The following SLC26A8 variants were observed in gnomAD, a reference collection of about 807,000 sequenced individuals.
SLC26A8 encodes the protein solute carrier family 26 member 8, also known as testis anion transporter 1.
Under a neutral mutation model 105.0 loss-of-function variants are expected in SLC26A8, and 70 were observed. That is an observed-to-expected ratio of 0.67 (90% CI 0.55 to 0.81). SLC26A8 has a LOEUF of 0.81. SLC26A8 is among the 40% of genes least tolerant of loss of function. The pLI is 0.00. For synonymous variants in SLC26A8, 415 were observed against 438.3 expected, an observed-to-expected ratio of 0.95 and a Z score of 0.66; for missense variants, 998 against 1,181.8, an observed-to-expected ratio of 0.84 and a Z score of 2.28.
intron 4 of SLC26A8, among the ~76,000 whole-genome samples, chr6:35,998,523 C>T (rs959199561): frequency 1.3e-5 from 2 of 150,464 alleles, no homozygotes; most frequent in Non-Finnish European, 3.0e-5. Context: ...CGATTGCACT[C>T]CAGCCTGGGC....
intron 1 of SLC26A8, among the ~76,000 whole-genome samples, chr6:36,021,850 C>A (rs1015920687): frequency 5.3e-5 from 8 of 152,124 alleles, no homozygotes; most frequent in African/African-American, 1.9e-4. Context: ...GTGGCGTGAT[C>A]TCAGCTCACA....
At chr6:36,024,038 A>T (rs1356330400) in intron 1 of SLC26A8, among the ~76,000 whole-genome samples, 2 of 151,434 alleles carry the variant, frequency 1.3e-5, no homozygotes, top group Non-Finnish European at 2.9e-5. Flanking sequence ...GGCCCCTGAC[A>T]CATCAACGGC....
chr6:36,017,018 A>G (rs576932927), intron 2 of SLC26A8, among the ~76,000 whole-genome samples: 2 of 152,234 alleles, frequency 1.3e-5, no homozygotes, highest in African/African-American at 4.8e-5. Flanking sequence ...CTAAAAATGC[A>G]AAAATTAGCT....
intron 11 of SLC26A8, among the ~76,000 whole-genome samples, chr6:35,964,688 A>G (rs1216808982): frequency 6.6e-6 from 1 of 151,956 alleles, no homozygotes; most frequent in East Asian, 1.9e-4. Flanking sequence ...TAGATGTGCC[A>G]GGCATGGTGG....
chr6:35,951,962 T>C (rs1771893414), intron 17 of SLC26A8, among the ~76,000 whole-genome samples: 1 of 152,150 alleles, frequency 6.6e-6, no homozygotes, highest in Non-Finnish European at 1.5e-5. Context: ...TACAAACATT[T>C]GATGAGTGGA....
Position 35,955,505 on chromosome 6 carries a change from G to C in SLC26A8, c.1879C>G (p.Arg627Gly). Residue 627 changes from arginine to glycine, a missense_variant, in exon 17 of 20, where the codon CGA becomes GGA. Coordinates refer to ENST00000490799, the MANE Select transcript of SLC26A8 (RefSeq NM_052961.4). Reference sequence around the variant, plus strand: ...TCGGGATCCAGTTTATTTTCAAATCGCTCTGTGTAAAGAATCTGGGACGAC... The same window carrying C: ...TCGGGATCCAGTTTATTTTCAAATCCCTCTGTGTAAAGAATCTGGGACGAC... ...EPLPRILYTERFENKLDPEAS... is the reference protein window; with the variant it reads ...EPLPRILYTEGFENKLDPEAS... 3.1e-6 allele frequency: 5 copies of C among 1,614,026 alleles called. No homozygotes were observed. The highest frequency in any genetic ancestry group is 4.2e-6 in the Non-Finnish European group (5 of 1,179,986).
chr6:35,984,326 T>A lies in SLC26A8; in HGVS notation c.943-2123A>T, dbSNP rs1461101664. Among the ~76,000 whole-genome samples, 417 of 145,980 alleles carry A rather than the reference T, an allele frequency of 2.9e-3. 3 individuals are homozygous for A. The highest frequency in any genetic ancestry group is 0.01 in the African/African-American group (406 of 39,428). ...TTCTTTCTTCTTCTTCTTATTTTTT[T>A]TTTTTTTTTTTTTGAGACAGAGTCT... is the stretch of plus-strand genomic sequence containing the variant. On this transcript the variant is annotated intron_variant, in intron 7 of 19. Coordinates refer to ENST00000490799, the MANE Select transcript of SLC26A8 (RefSeq NM_052961.4).
At chr6:36,015,108 T>G (rs2127372589) in intron 2 of SLC26A8, among the ~76,000 whole-genome samples, 1 of 137,492 alleles carries the variant, frequency 7.3e-6, no homozygotes, top group South Asian at 2.3e-4. Flanking sequence ...AAATTGTGCT[T>G]TTTTTTTTTT....
At chr6:36,001,736 C>G (rs1210281245) in intron 3 of SLC26A8, among the ~76,000 whole-genome samples, 1 of 152,108 alleles carries the variant, frequency 6.6e-6, no homozygotes. Context: ...GAACTAAGGG[C>G]CCTGTGTTTT....
At chr6:35,968,589 A>ATG (rs1281355415) in intron 11 of SLC26A8, among the ~76,000 whole-genome samples, 1,084 of 61,294 alleles carry the variant, frequency 0.018, 38 homozygotes, top group East Asian at 0.066. Flanking sequence ...ATATGTGTGT[A>ATG]TGTGTGTGTG....
intron 7 of SLC26A8, 85 bp from the exon 8 acceptor site, chr6:35,982,288 C>G: frequency 3.8e-6 from 5 of 1,324,140 alleles, no homozygotes; most frequent in Non-Finnish European, 5.4e-6. Flanking sequence ...TTGCCCATTG[C>G]CTCTGGCAGG....
chr6:35,960,951 T>G (rs1324421064), intron 13 of SLC26A8, 39 bp from the exon 14 acceptor site: 2 of 1,613,934 alleles, frequency 1.2e-6, no homozygotes, highest in Non-Finnish European at 1.7e-6. Context: ...CAGAGTTGGC[T>G]TACCTTGCCT....
chr6:35,963,143 A>G (rs775240367), intron 11 of SLC26A8, among the ~76,000 whole-genome samples: 22 of 152,146 alleles, frequency 1.4e-4, no homozygotes, highest in Non-Finnish European at 4.4e-5. Flanking sequence ...AGGAAAGTGA[A>G]AATCACCTCC....
intron 8 of SLC26A8, among the ~76,000 whole-genome samples, chr6:35,979,070 T>C (rs1283667534): frequency 6.7e-6 from 1 of 150,096 alleles, no homozygotes; most frequent in Non-Finnish European, 1.5e-5. Context: ...CAGGTTGGTC[T>C]TGAAATCCTG....
chr6:36,017,903 T>C (rs1321410508), intron 2 of SLC26A8, among the ~76,000 whole-genome samples: 2 of 151,948 alleles, frequency 1.3e-5, no homozygotes, highest in African/African-American at 4.8e-5. Context: ...AATTAACCAA[T>C]AAACACACCA....
chr6:36,017,160 C>A (rs76262848), intron 2 of SLC26A8, among the ~76,000 whole-genome samples: 16,788 of 149,274 alleles, frequency 0.11, 990 homozygotes, highest in Middle Eastern at 0.15. Context: ...GACAGTGAGA[C>A]TTTGCCTCAA....
At chr6:35,944,709 AAAAC>A (rs989749238) in intron 19 of SLC26A8, among the ~76,000 whole-genome samples, 8 of 151,928 alleles carry the variant, frequency 5.3e-5, no homozygotes, top group South Asian at 2.1e-4. Context: ...ACTGTCTCAA[AAAAC>A]AAACAAACAA....
chr6:35,948,432 T>A (rs554214402), intron 19 of SLC26A8, among the ~76,000 whole-genome samples: 58 of 152,016 alleles, frequency 3.8e-4, no homozygotes, highest in African/African-American at 1.4e-3. Flanking sequence ...CAAATAAAAA[T>A]ACAAAAATAA....
intron 3 of SLC26A8, 36 bp from the exon 4 acceptor site, chr6:36,000,144 T>C (rs1465980790): frequency 7.4e-7 from 1 of 1,345,614 alleles, no homozygotes. Flanking sequence ...AAGCAGCTTG[T>C]CTTTAAAAGT....
Sources: gnomAD v4.1 joint callset for allele counts (sites outside exome capture counted in the v4.1 genomes callset) on GRCh38, gnomAD v4.1.1 for gene constraint, MANE v1.5 for transcripts, NCBI Gene and HGNC (gene_info 2026-07-23, HGNC 2026-07-21) for gene names.